EHMT2: variants seen among roughly 807,000 people sequenced by gnomAD.
EHMT2 encodes euchromatic histone lysine methyltransferase 2.
Under a neutral mutation model 143.3 loss-of-function variants are expected in EHMT2, and 59 were observed. The ratio of observed to expected loss-of-function variants is 0.41; its 90% CI spans 0.33 to 0.51. The LOEUF is 0.51. EHMT2 is among the 20% of genes least tolerant of loss of function. The pLI, the probability that EHMT2 is intolerant of heterozygous loss-of-function variation, is 0.18. For missense variants in EHMT2, 1,174 were observed against 1,645.9 expected (o/e 0.71, Z 4.96); for synonymous variants, 604 against 651.5 (o/e 0.93, Z 1.11).
rs747868066 is a variant in EHMT2 at position 31,892,401 on chromosome 6, T to C, written c.864+6A>G. On this transcript the variant is annotated splice_donor_region_variant and intron_variant, in intron 7 of 27. Transcript: ENST00000375537. ...CGGCGGGGAGGGCAGACCAGCTCTGTCTCACCTTGCTGTCGGAGTCCACGC... is the reference window on the plus strand; with the variant it reads ...CGGCGGGGAGGGCAGACCAGCTCTGCCTCACCTTGCTGTCGGAGTCCACGC... 1 of 1,611,972 alleles carries C rather than the reference T, an allele frequency of 6.2e-7. No individual in the cohort carries two copies.
At chr6:31,892,260 G>C (rs1262103352) in intron 7 of EHMT2, 147 bp downstream of exon 7, 2 of 925,520 alleles carry the variant, frequency 2.2e-6, no homozygotes, top group Non-Finnish European at 3.2e-6. Context: ...AAAAAAAGGA[G>C]TTATAGACAG....
In EHMT2 at chr6:31,884,054, G is replaced by A; in HGVS notation, c.2772-104C>T. On this transcript the variant is annotated intron_variant, in intron 21 of 27. Transcript: ENST00000375537. The surrounding 1 kb of genome is among the most constrained non-coding windows in gnomAD (Gnocchi z 7.3). ...GGGAGGTTCCTGGGGCTGGGGGCAG[G>A]GGAGTAAGGTTGCCAGGTAAGATGC... 7.5e-7 allele frequency: 1 copy of A among 1,335,822 alleles called. No homozygotes were observed. The highest frequency in any genetic ancestry group is 1.4e-5 in the South Asian group (1 of 72,686). The allele number at this position is 1,335,822 out of a possible 1,614,324, so 82.7% of individuals were successfully genotyped here.
At position 31,881,295 on chromosome 6, in the gene EHMT2, G is replaced by C. The variant is rs964136782; in HGVS notation, c.3198-203C>G. ...ACAGAGGAAGCCTTCAGTCAGCACAGAGACAGACAACAAGCTCTGTGGTTA... is the reference window on the plus strand; with the variant it reads ...ACAGAGGAAGCCTTCAGTCAGCACACAGACAGACAACAAGCTCTGTGGTTA... On this transcript the variant is annotated intron_variant, in intron 25 of 27. Transcript: ENST00000375537. The surrounding 1 kb of genome is among the most constrained non-coding windows in gnomAD (Gnocchi z 4.8). 3.7e-5 allele frequency: 23 copies of C among 626,288 alleles called. No individual in the cohort carries two copies. In the Admixed American group the frequency reaches 5.9e-4, roughly 16 times the overall value. The allele number at this position is 626,288 out of a possible 1,614,324, so 38.8% of individuals were successfully genotyped here.
exon 2 of EHMT2, chr6:31,896,946 T>C: frequency 6.3e-7 from 1 of 1,593,652 alleles, no homozygotes; most frequent in East Asian, 2.2e-5. Context: ...TCCTCTGGTT[T>C]CCTTCTCCAG....
In EHMT2 at chr6:31,884,857, C is replaced by T; in HGVS notation, c.2448+55G>A. 6.3e-7 allele frequency: 1 copy of T among 1,580,492 alleles called. No individual in the cohort carries two copies. The highest frequency in any genetic ancestry group is 8.6e-7 in the Non-Finnish European group (1 of 1,157,084). On this transcript the variant is annotated intron_variant, in intron 19 of 27. Transcript: ENST00000375537. The surrounding 1 kb of genome is among the most constrained non-coding windows in gnomAD (Gnocchi z 7.3). ...AGGCAGCTGGGCCCTTGAATCCAGCCTCCACCTTGCTCAGGGGCCTGGGGC... is the reference window on the plus strand; with the variant it reads ...AGGCAGCTGGGCCCTTGAATCCAGCTTCCACCTTGCTCAGGGGCCTGGGGC...
At chr6:31,896,465 G>A in exon 4 of EHMT2, 1 of 1,613,048 alleles carries the variant, frequency 6.2e-7, no homozygotes, top group Non-Finnish European at 8.5e-7. Context: ...GGCCCGGCTA[G>A]GACAGGAACC....
Position 31,881,178 on chromosome 6 carries a change from G to A in EHMT2, c.3198-86C>T. ...GCCCCATCTCTCTTCACAAGCCTGT[G>A]GAATCTGGAATGGGCAGGGCTGGCA... On this transcript the variant is annotated intron_variant, in intron 25 of 27. Coordinates refer to ENST00000375537, the Ensembl canonical transcript of EHMT2. The surrounding 1 kb of genome is among the most constrained non-coding windows in gnomAD (Gnocchi z 4.8). 8.4e-7 allele frequency: 1 copy of A among 1,184,356 alleles called. No homozygotes were observed. Among genetic ancestry groups the A allele is most frequent in the South Asian group, 1.2e-5 (1 of 82,272 alleles). The allele number at this position is 1,184,356 out of a possible 1,614,324, so 73.4% of individuals were successfully genotyped here.
chr6:31,891,777 G>GT (rs1291325221), intron 7 of EHMT2, among the ~76,000 whole-genome samples: 1 of 152,068 alleles, frequency 6.6e-6, no homozygotes. Context: ...ACAGCATAAC[G>GT]TATGTTTTAA....
At chr6:31,892,660 C>T in intron 6 of EHMT2, 34 bp downstream of exon 6, 1 of 1,612,926 alleles carries the variant, frequency 6.2e-7, no homozygotes, top group South Asian at 1.1e-5. Flanking sequence ...CAGAGCAGCC[C>T]CCGAGGGGTA....
Position 31,883,011 on chromosome 6 carries a change from T to C in EHMT2, c.2995-2A>G, listed in dbSNP as rs1355300004. ...AAATTCCTGGAGCAATCGCCCATCC[T>C]AGGGTGCGGAGGGGAGGATAGTGGT... On this transcript the variant is annotated splice_acceptor_variant, in intron 23 of 27. Coordinates refer to ENST00000375537, the Ensembl canonical transcript of EHMT2. LOFTEE classifies it high-confidence loss of function. This position sits in a 1 kb window ranked among gnomAD's most constrained non-coding sequence, Gnocchi z 5.6. The C allele has an allele frequency of 1.2e-6, 2 of 1,612,400 alleles. No individual in the cohort carries two copies. The highest frequency in any genetic ancestry group is 1.7e-6 in the Non-Finnish European group (2 of 1,179,694).
Position 31,888,107 on chromosome 6 carries a change from G to A in EHMT2, c.1679C>T (p.Thr560Ile). Residue 560 changes from threonine (T) to isoleucine (I), a missense_variant, in exon 13 of 28, where the codon ACT becomes ATT. Around this residue, in one of 6 missense-constraint regions of EHMT2, gnomAD observed 608 missense variants for 903.7 expected, o/e 0.67. Coordinates refer to ENST00000375537, the Ensembl canonical transcript of EHMT2. The surrounding 1 kb of genome is among the most constrained non-coding windows in gnomAD (Gnocchi z 7.4). The stretch of plus-strand genomic sequence containing the variant: ...CAGGGGTGGGGGTGCAGGAGCTGCA[G>A]TGCCGGCCGGTGGGGTCACCCCGTC... The A allele has an allele frequency of 1.2e-6, 2 of 1,611,460 alleles. No homozygotes were observed. The highest frequency in any genetic ancestry group is 3.3e-5 in the Admixed American group (2 of 59,912).
At chr6:31,891,165 G>A (rs200883862) in intron 7 of EHMT2, among the ~76,000 whole-genome samples, 3 of 152,084 alleles carry the variant, frequency 2.0e-5, no homozygotes, top group South Asian at 2.1e-4. Context: ...GGCTGGTCTC[G>A]AACTCCCAAC....
chr6:31,897,138 G>C (rs767291021), intron 1 of EHMT2, 149 bp from the exon 2 acceptor site: 7 of 1,379,414 alleles, frequency 5.1e-6, no homozygotes, highest in Non-Finnish European at 4.7e-6. Context: ...TCGGCTGCCC[G>C]GAGGGGCCGC....
rs1160460959 is a variant in EHMT2 at position 31,896,319 on chromosome 6, C to G, written c.526G>C (p.Gly176Arg). 4 of 1,612,838 alleles carry G rather than the reference C, an allele frequency of 2.5e-6. No homozygotes were observed. The highest frequency in any genetic ancestry group is 3.3e-5 in the Admixed American group (2 of 60,000). Residue 176 changes from glycine (G) to arginine (R), a missense_variant, in exon 4 of 28, where the codon GGA becomes CGA. Physicochemically the swap from Gly to Arg is moderately radical, Grantham distance 125. Coordinates refer to ENST00000375537, the Ensembl canonical transcript of EHMT2. ...CGGGCTCGGTGGACCTTGGGCTGTC[C>G]CTCTGGGCTCGTGGTGGCTGGAGGG...
At position 31,880,902 on chromosome 6, in the gene EHMT2, C is replaced by T; in HGVS notation, c.3277-54G>A. 6.2e-7 allele frequency: 1 copy of T among 1,609,774 alleles called. No homozygotes were observed. Among genetic ancestry groups the T allele is most frequent in the Non-Finnish European group, 8.5e-7 (1 of 1,177,270 alleles). ...TCTCCCCCGACCCTGCTTGCCCTCC[C>T]CACCCACTGACTCCCCAGTCCCTCC... On this transcript the variant is annotated intron_variant, in intron 26 of 27. Transcript: ENST00000375537. The surrounding 1 kb of genome is among the most constrained non-coding windows in gnomAD (Gnocchi z 6.6).
In EHMT2 at chr6:31,880,683, C is replaced by T; in HGVS notation, c.3442G>A (p.Glu1148Lys). The change falls in exon 27 of 28, where the codon GAG becomes AAG. Residue 1148 changes from glutamate (E) to lysine (K), a missense_variant. This residue lies in a region of EHMT2 where 44 missense variants were observed against 113.5 expected (regional missense o/e 0.39). Transcript: ENST00000375537. This position sits in a 1 kb window ranked among gnomAD's most constrained non-coding sequence, Gnocchi z 6.6. ...CCCCTAGAGTCTCACCCTAGCTCCT[C>T]CCCAGTCCGGATGTCTCGGGAACTG... 1 of 1,613,816 alleles carries T rather than the reference C, an allele frequency of 6.2e-7. No homozygotes were observed. The highest frequency in any genetic ancestry group is 1.1e-5 in the South Asian group (1 of 91,074).
At position 31,887,105 on chromosome 6, in the gene EHMT2, C is replaced by T. The variant is rs777628163; in HGVS notation, c.2012-4G>A. On this transcript the variant is annotated splice_region_variant and splice_polypyrimidine_tract_variant and intron_variant, in intron 15 of 27. Coordinates refer to ENST00000375537, the Ensembl canonical transcript of EHMT2. ...AAGTTGGGGTCCAGGTTGTCCACTG[C>T]GGGGAGAGCCCGCCACACCGGGAGA... is the stretch of plus-strand genomic sequence containing the variant. 8.2e-6 allele frequency: 13 copies of T among 1,590,684 alleles called. No individual in the cohort carries two copies. Among genetic ancestry groups the T allele is most frequent in the Admixed American group, 6.8e-5 (4 of 58,680 alleles).
Position 31,880,315 on chromosome 6 carries a change from C to A in EHMT2, c.3453-51G>T. 1 of 1,584,994 alleles carries A rather than the reference C, an allele frequency of 6.3e-7. No homozygotes were observed. The highest frequency in any genetic ancestry group is 8.6e-7 in the Non-Finnish European group (1 of 1,161,020). On this transcript the variant is annotated intron_variant, in intron 27 of 27. Transcript: ENST00000375537. The surrounding 1 kb of genome is among the most constrained non-coding windows in gnomAD (Gnocchi z 6.6). ...GGGACCTGGACCCAGCCACCAAGAGCCCACCCCGAAGACCCTGTGGATCCT... is the reference window on the plus strand; with the variant it reads ...GGGACCTGGACCCAGCCACCAAGAGACCACCCCGAAGACCCTGTGGATCCT...
Position 31,889,588 on chromosome 6 carries a change from A to T in EHMT2, c.879T>A (p.Ala293=). ...CCTCTTCACTTAGTTGTTCAGTTAG[A>T]GCTTCAACTTCAGACTGGGAGAGAG... is the stretch of plus-strand genomic sequence containing the variant. Residue 293 remains alanine (A), a synonymous_variant, in exon 8 of 28, where the codon GCT becomes GCA. Transcript: ENST00000375537. The surrounding 1 kb of genome is among the most constrained non-coding windows in gnomAD (Gnocchi z 5.1). 6.2e-6 allele frequency: 10 copies of T among 1,610,656 alleles called. No homozygotes were observed. Among genetic ancestry groups the T allele is most frequent in the Non-Finnish European group, 7.6e-6 (9 of 1,179,966 alleles).
Sources: gnomAD v4.1 joint callset for allele counts (sites outside exome capture counted in the v4.1 genomes callset) on GRCh38, gnomAD v4.1.1 for gene constraint, gnomAD v4.1.1 regional missense constraint, Gnocchi (gnomAD v3.1) non-coding constraint, MANE v1.5 for transcripts, NCBI Gene and HGNC (gene_info 2026-07-23, HGNC 2026-07-21) for gene names.